CACTIN: variants seen among roughly 807,000 people sequenced by gnomAD.
CACTIN encodes splicing factor Cactin.
CACTIN carries 20 observed loss-of-function variants against 84.9 expected under a neutral mutation model. The ratio of observed to expected loss-of-function variants is 0.24; its 90% CI spans 0.17 to 0.34. CACTIN has a LOEUF of 0.34. CACTIN is among the 10% of genes least tolerant of loss of function. The pLI is 1.00. For synonymous variants in CACTIN, 549 were observed against 467.9 expected, an observed-to-expected ratio of 1.17 and a Z score of -2.24; for missense variants, 897 against 1,117.2, an observed-to-expected ratio of 0.80 and a Z score of 2.81.
chr19:3,618,920 C>T lies in CACTIN; in HGVS notation c.1117G>A (p.Glu373Lys), dbSNP rs866494558. The change falls in exon 6 of 10, where the codon GAG becomes AAG. Residue 373 changes from glutamate (E) to lysine (K), a missense_variant. Glu to Lys is a moderately conservative substitution (Grantham distance 56). Around this residue, in one of 8 missense-constraint regions of CACTIN, gnomAD observed 304 missense variants for 444.3 expected, o/e 0.68. Coordinates refer to ENST00000429344, the MANE Select transcript of CACTIN (RefSeq NM_001080543.2). ...WRDMTTITEDEISKLRKLEAS... is the reference protein window; with the variant it reads ...WRDMTTITEDKISKLRKLEAS... ...TCCAGCTTGCGGAGCTTGGAGATCT[C>T]GTCCTCGGTGATGGTGGTCATGTCC... The T allele has an allele frequency of 1.9e-6, 3 of 1,558,754 alleles. No individual in the cohort carries two copies. Among genetic ancestry groups the T allele is most frequent in the Non-Finnish European group, 2.6e-6 (3 of 1,151,232 alleles).
At chr19:3,618,750 G>T in intron 6 of CACTIN, 125 bp downstream of exon 6, 1 of 754,468 alleles carries the variant, frequency 1.3e-6, no homozygotes, top group Non-Finnish European at 2.1e-6. Flanking sequence ...CCCAGAAGGG[G>T]AGGCCCCAGT....
At chr19:3,621,286 T>C (rs1188002722) in intron 2 of CACTIN, among the ~76,000 whole-genome samples, 2 of 152,052 alleles carry the variant, frequency 1.3e-5, no homozygotes, top group Non-Finnish European at 1.5e-5. Context: ...ACCTGTGGGG[T>C]CATGGGGCCC....
At chr19:3,621,395 C>T (rs772699946) in intron 2 of CACTIN, among the ~76,000 whole-genome samples, 7 of 152,226 alleles carry the variant, frequency 4.6e-5, no homozygotes, top group Non-Finnish European at 8.8e-5. Flanking sequence ...GAGAGCCTGG[C>T]GCGGAGCCCC....
At chr19:3,626,179 C>T (rs2033327943) in intron 1 of CACTIN, among the ~76,000 whole-genome samples, 1 of 152,114 alleles carries the variant, frequency 6.6e-6, no homozygotes, top group East Asian at 1.9e-4. Context: ...CTGCCTACCC[C>T]GCTCCATCCC....
intron 2 of CACTIN, among the ~76,000 whole-genome samples, chr19:3,622,511 T>G (rs2145333488): frequency 1.3e-5 from 2 of 152,050 alleles, no homozygotes; most frequent in South Asian, 4.2e-4. Context: ...GAAGGCCGTA[T>G]GGAGACAGAG....
At position 3,611,582 on chromosome 19, in the gene CACTIN, C is replaced by T. The variant is rs371991347; in HGVS notation, c.*341G>A. 3.9e-5 allele frequency: 15 copies of T among 385,872 alleles called. No individual in the cohort carries two copies. Among genetic ancestry groups the T allele is most frequent in the African/African-American group, 2.9e-4 (14 of 47,990 alleles). 23.9% of individuals were successfully genotyped at this position (385,872 alleles called of 1,614,324 possible). A position where few individuals can be genotyped will look rare whatever the true frequency, so the allele number is the denominator to read the frequency against. ...GCAGGCCCTGTGGGCCCCACCCAGC[C>T]TGGCTGAGGGGCGGTGGAGAGTGTC... On this transcript the variant is annotated 3_prime_UTR_variant, in exon 10 of 10. Transcript: ENST00000429344.
chr19:3,613,181 C>T lies in CACTIN; in HGVS notation c.1663G>A (p.Asp555Asn). ...AGCCGCGGGCTGTACCTGCCGGCGT[C>T]GTAGTCGTCCAGGCTCTGCTGGATC... ...DLIQQSLDDY[D>N]AGRYSPRLLT... The change falls in exon 9 of 10, where the codon GAC becomes AAC. Residue 555 changes from aspartate (D) to asparagine (N), a missense_variant. Asp to Asn is a conservative substitution (Grantham distance 23). This residue lies in a region of CACTIN where 243 missense variants were observed against 239.9 expected (regional missense o/e 1.01). Coordinates refer to ENST00000429344, the MANE Select transcript of CACTIN (RefSeq NM_001080543.2). The T allele has an allele frequency of 1.9e-6, 3 of 1,611,396 alleles. No individual in the cohort carries two copies. The highest frequency in any genetic ancestry group is 1.1e-5 in the South Asian group (1 of 91,070).
chr19:3,624,278 G>T, intron 1 of CACTIN, 116 bp from the exon 2 acceptor site: 1 of 962,796 alleles, frequency 1.0e-6, no homozygotes. Flanking sequence ...GGACACAGCA[G>T]TGACCCAAAT....
At position 3,611,557 on chromosome 19, in the gene CACTIN, G is replaced by A. The variant is rs8107409; in HGVS notation, c.*366C>T. 6.7e-3 allele frequency: 2,508 copies of A among 373,662 alleles called. 67 individuals carry two copies. Among genetic ancestry groups the A allele is most frequent in the African/African-American group, 0.048 (2,289 of 47,612 alleles). The allele number at this position is 373,662 out of a possible 1,614,324, so 23.1% of individuals were successfully genotyped here. Reference sequence around the variant, plus strand: ...ACACCCTGTGTGGCCGCCACTTGGGGCAGGCCCTGTGGGCCCCACCCAGCC... The same window carrying A: ...ACACCCTGTGTGGCCGCCACTTGGGACAGGCCCTGTGGGCCCCACCCAGCC... On this transcript the variant is annotated 3_prime_UTR_variant, in exon 10 of 10. Coordinates refer to ENST00000429344, the MANE Select transcript of CACTIN (RefSeq NM_001080543.2).
Position 3,613,687 on chromosome 19 carries a change from A to G in CACTIN, c.1356-101T>C, listed in dbSNP as rs1312946878. ...CCCTTATTGCTGCAAGGACCCTGAG[A>G]AGGTGGCGAGCAGCCACGGCTCTGG... On this transcript the variant is annotated intron_variant, in intron 7 of 9. Transcript: ENST00000429344. 1.0e-5 allele frequency: 15 copies of G among 1,479,378 alleles called. No individual in the cohort carries two copies. In the East Asian group the frequency reaches 3.7e-4, roughly 37 times the overall value. 91.6% of individuals were successfully genotyped at this position (1,479,378 alleles called of 1,614,324 possible).
chr19:3,622,536 C>T (rs1285736807), intron 2 of CACTIN, among the ~76,000 whole-genome samples: 4 of 152,102 alleles, frequency 2.6e-5, no homozygotes, highest in Admixed American at 6.5e-5. Flanking sequence ...GAAGGCAGAC[C>T]GCCACACAAC....
At chr19:3,623,061 C>T (rs947302648) in intron 2 of CACTIN, among the ~76,000 whole-genome samples, 2 of 152,114 alleles carry the variant, frequency 1.3e-5, no homozygotes, top group Admixed American at 6.5e-5. Flanking sequence ...CATAGTGAGA[C>T]TCCATCTTTA....
chr19:3,620,334 G>T, intron 3 of CACTIN, 62 bp from the exon 4 acceptor site: 1 of 1,509,242 alleles, frequency 6.6e-7, no homozygotes, highest in East Asian at 2.5e-5. Flanking sequence ...GCGGGGGGAG[G>T]GGCTGTGATG....
chr19:3,619,774 G>A (rs894698323), intron 4 of CACTIN, among the ~76,000 whole-genome samples: 3 of 152,240 alleles, frequency 2.0e-5, no homozygotes, highest in Admixed American at 6.5e-5. Flanking sequence ...CACCCGCCAC[G>A]GGGCCCAAGG....
At position 3,613,168 on chromosome 19, in the gene CACTIN, T is replaced by C; in HGVS notation, c.1676A>G (p.Tyr559Cys). The change falls in exon 9 of 10, where the codon TAC becomes TGC. Residue 559 changes from tyrosine to cysteine, a missense_variant. By Grantham distance (194) the Tyr-to-Cys change is radical. Around this residue, in one of 8 missense-constraint regions of CACTIN, gnomAD observed 243 missense variants for 239.9 expected, o/e 1.01. Coordinates refer to ENST00000429344, the MANE Select transcript of CACTIN (RefSeq NM_001080543.2). ...QSLDDYDAGR[Y>C]SPRLLTAHEL... ...GTGCGCCGTGAGCAGCCGCGGGCTGTACCTGCCGGCGTCGTAGTCGTCCAG... is the reference window on the plus strand; with the variant it reads ...GTGCGCCGTGAGCAGCCGCGGGCTGCACCTGCCGGCGTCGTAGTCGTCCAG... 6.2e-7 allele frequency: 1 copy of C among 1,610,908 alleles called. No homozygotes were observed. The highest frequency in any genetic ancestry group is 8.5e-7 in the Non-Finnish European group (1 of 1,179,340).
chr19:3,614,254 C>T, intron 7 of CACTIN, 143 bp downstream of exon 7: 1 of 877,850 alleles, frequency 1.1e-6, no homozygotes, highest in Non-Finnish European at 1.8e-6. Context: ...CAGGCTGGCC[C>T]CGGCCAGTCG....
rs545439498 is a variant in CACTIN at position 3,611,447 on chromosome 19, G to A, written c.*476C>T. The A allele has an allele frequency of 7.4e-6, 3 of 404,760 alleles. No homozygotes were observed. The highest frequency in any genetic ancestry group is 7.6e-5 in the East Asian group (1 of 13,174). 25.1% of individuals were successfully genotyped at this position (404,760 alleles called of 1,614,324 possible). On this transcript the variant is annotated 3_prime_UTR_variant, in exon 10 of 10. Transcript: ENST00000429344. ...CTGCCTCACGCCCAGTGGGTGCCCCGTGATGTGGCAGGGCTGGCCTTGAGT... is the reference window on the plus strand; with the variant it reads ...CTGCCTCACGCCCAGTGGGTGCCCCATGATGTGGCAGGGCTGGCCTTGAGT...
intron 6 of CACTIN, among the ~76,000 whole-genome samples, chr19:3,618,414 A>G (rs2033151571): frequency 6.6e-6 from 1 of 151,682 alleles, no homozygotes; most frequent in Non-Finnish European, 1.5e-5. Flanking sequence ...ATGTGTGTGC[A>G]ACCACACGGA....
chr19:3,614,145 G>A (rs1334273422), intron 7 of CACTIN, among the ~76,000 whole-genome samples: 2 of 152,164 alleles, frequency 1.3e-5, no homozygotes, highest in African/African-American at 4.8e-5. Flanking sequence ...AGCCCTGTGA[G>A]ACCAACAGGG....
Sources: gnomAD v4.1 joint callset for allele counts (sites outside exome capture counted in the v4.1 genomes callset) on GRCh38, gnomAD v4.1.1 for gene constraint, gnomAD v4.1.1 regional missense constraint, MANE v1.5 for transcripts, NCBI Gene and HGNC (gene_info 2026-07-23, HGNC 2026-07-21) for gene names.